LEMD1: variants seen among roughly 807,000 people sequenced by gnomAD.
LEMD1 encodes the protein LEM domain-containing protein 1.
LEMD1 carries 18 observed loss-of-function variants against 17.4 expected under a neutral mutation model. The ratio of observed to expected loss-of-function variants is 1.04; its 90% CI spans 0.72 to 1.54. The LOEUF is 1.54. Ranked by LOEUF, LEMD1 falls within the 40% of genes most tolerant of loss-of-function variation. The pLI is 0.00. For synonymous variants in LEMD1, 88 were observed against 77.8 expected (o/e 1.13, Z -0.69); for missense variants, 195 against 210.4 (o/e 0.93, Z 0.45).
At chr1:205,382,628 C>T (rs948349713) in intron 5 of LEMD1, among the ~76,000 whole-genome samples, 2 of 152,136 alleles carry the variant, frequency 1.3e-5, no homozygotes, top group Admixed American at 1.3e-4. Flanking sequence ...TCCCACAAAA[C>T]ATTTCTTCAT....
At chr1:205,437,601 T>A (rs1666230157) in intron 1 of LEMD1, 2 of 152,216 alleles carry the variant, frequency 1.3e-5, no homozygotes, top group South Asian at 4.1e-4. Flanking sequence ...TCCAGATATG[T>A]CTGTTGTCTG....
chr1:205,426,160 C>T (rs1029845254), upstream of LEMD1, among the ~76,000 whole-genome samples: 5 of 152,220 alleles, frequency 3.3e-5, no homozygotes, highest in Admixed American at 6.5e-5. Flanking sequence ...AAAACCTAAA[C>T]GGTCCTAACC....
At position 205,416,230 on chromosome 1, in the gene LEMD1, AC is replaced by A. The variant is rs1665688681; in HGVS notation, c.270+1del. 1.8e-5 allele frequency: 28 copies of A among 1,529,436 alleles called. No homozygotes were observed. Among genetic ancestry groups the A allele is most frequent in the Non-Finnish European group, 2.4e-5 (27 of 1,128,142 alleles). The allele number at this position is 1,529,436 out of a possible 1,614,324, so 94.7% of individuals were successfully genotyped here. Reference sequence around the variant, plus strand: ...GTATTCAGGCATTAGAATGGTACATACTTTTTTGAGTTTCTTGCTTTTTTCT... The same window carrying A: ...GTATTCAGGCATTAGAATGGTACATATTTTTTGAGTTTCTTGCTTTTTTCT... On this transcript the variant is annotated splice_donor_variant, in intron 4 of 5. Coordinates refer to ENST00000367153, the MANE Select transcript of LEMD1 (RefSeq NM_001199050.2). LOFTEE classifies it high-confidence loss of function.
rs540777553 is a variant in LEMD1 at position 205,418,222 on chromosome 1, A to C, written c.205+1008T>G. On this transcript the variant is annotated intron_variant, in intron 3 of 5. Transcript: ENST00000367153. ...GCACTGGTGGCCTTCAATAAATGGT[A>C]GTTCCTGTCATTCTACTGTGGCTCA... is the stretch of plus-strand genomic sequence containing the variant. Among the ~76,000 whole-genome samples, 4 of 152,302 alleles carry C rather than the reference A, an allele frequency of 2.6e-5. No homozygotes were observed. The South Asian group carries it at 8.3e-4, about 32-fold the overall frequency.
intron 5 of LEMD1, among the ~76,000 whole-genome samples, chr1:205,383,461 C>T (rs1036594460): frequency 5.3e-5 from 8 of 152,006 alleles, no homozygotes; most frequent in African/African-American, 1.9e-4. Flanking sequence ...AGGATATCCA[C>T]CACCTTAAAT....
At chr1:205,419,525 C>G (rs2102438504) in intron 2 of LEMD1, among the ~76,000 whole-genome samples, 173 bp from the exon 3 acceptor site, 1 of 152,320 alleles carries the variant, frequency 6.6e-6, no homozygotes, top group Non-Finnish European at 1.5e-5. Flanking sequence ...GGTGCAGTAG[C>G]TTGATCTCAG....
At chr1:205,445,729 A>C (rs1288546038) in intron 1 of LEMD1, among the ~76,000 whole-genome samples, 3 of 152,184 alleles carry the variant, frequency 2.0e-5, no homozygotes, top group Non-Finnish European at 4.4e-5. Flanking sequence ...GGCTCGGCAG[A>C]GGCTGGCCCA....
chr1:205,397,751 A>T (rs970810642), intron 4 of LEMD1, among the ~76,000 whole-genome samples: 1 of 152,220 alleles, frequency 6.6e-6, no homozygotes, highest in African/African-American at 2.4e-5. Context: ...TAAAATGAAG[A>T]CATAGATCCC....
intron 1 of LEMD1, among the ~76,000 whole-genome samples, chr1:205,429,775 G>C (rs1242492866): frequency 1.3e-5 from 2 of 151,840 alleles, no homozygotes; most frequent in Non-Finnish European, 2.9e-5. Context: ...CGGCTATTTT[G>C]ATGTTGGGGG....
intron 4 of LEMD1, among the ~76,000 whole-genome samples, chr1:205,395,400 G>A (rs1222573923): frequency 6.6e-6 from 1 of 151,970 alleles, no homozygotes; most frequent in East Asian, 1.9e-4. Context: ...TTTGAGACCA[G>A]CCTGACCAAC....
intron 1 of LEMD1, among the ~76,000 whole-genome samples, chr1:205,428,439 A>G (rs1269894594): frequency 6.6e-6 from 1 of 152,188 alleles, no homozygotes; most frequent in East Asian, 1.9e-4. Context: ...ACCCTACCAC[A>G]TGCTTTGCAC....
chr1:205,396,522 G>A (rs1432126854), intron 4 of LEMD1, among the ~76,000 whole-genome samples: 1 of 152,136 alleles, frequency 6.6e-6, no homozygotes, highest in African/African-American at 2.4e-5. Context: ...CATTGTTTGT[G>A]TTAGAAAAAT....
chr1:205,389,409 G>C (rs745355576), intron 4 of LEMD1, among the ~76,000 whole-genome samples: 2 of 152,086 alleles, frequency 1.3e-5, no homozygotes, highest in African/African-American at 4.8e-5. Flanking sequence ...TGTCCATAAA[G>C]AAATACAAGT....
intron 4 of LEMD1, chr1:205,387,570 G>A (rs755124316): frequency 5.9e-5 from 9 of 152,160 alleles, no homozygotes; most frequent in Non-Finnish European, 1.3e-4. Flanking sequence ...TTAAAGCAGT[G>A]GCTCAGTGAG....
chr1:205,413,399 C>T (rs962712513), intron 4 of LEMD1, among the ~76,000 whole-genome samples: 2 of 151,970 alleles, frequency 1.3e-5, no homozygotes, highest in South Asian at 2.1e-4. Context: ...AGAGATTCTC[C>T]TACCTCAGCC....
chr1:205,418,794 G>A (rs1665818159), intron 3 of LEMD1, among the ~76,000 whole-genome samples: 1 of 152,198 alleles, frequency 6.6e-6, no homozygotes, highest in African/African-American at 2.4e-5. Context: ...GGAATTACAT[G>A]TAGGTGGGAG....
intron 4 of LEMD1, among the ~76,000 whole-genome samples, chr1:205,414,708 G>A (rs1474645797): frequency 1.3e-5 from 2 of 152,112 alleles, no homozygotes. Flanking sequence ...ACAGGAGTAA[G>A]CCACCATGCC....
At chr1:205,431,537 C>T (rs910121599) in intron 1 of LEMD1, among the ~76,000 whole-genome samples, 4 of 152,152 alleles carry the variant, frequency 2.6e-5, no homozygotes, top group African/African-American at 4.8e-5. Flanking sequence ...ATAGTAAAGA[C>T]AACAAGTCTT....
chr1:205,411,653 G>GAGAAAGAAAGGAAA (rs1553395821), intron 4 of LEMD1, among the ~76,000 whole-genome samples: 2 of 138,544 alleles, frequency 1.4e-5, no homozygotes, highest in Non-Finnish European at 3.1e-5. Context: ...GAGAAAGAAA[G>GAGAAAGAAAGGAAA]GAAAGAAAGA....
Sources: gnomAD v4.1 joint callset for allele counts (sites outside exome capture counted in the v4.1 genomes callset) on GRCh38, gnomAD v4.1.1 for gene constraint, MANE v1.5 for transcripts, NCBI Gene and HGNC (gene_info 2026-07-23, HGNC 2026-07-21) for gene names.